Variants in PCSK1 observed in about 807,000 individuals in gnomAD.
The protein encoded by PCSK1 is proprotein convertase subtilisin/kexin type 1.
Under a neutral mutation model 90.6 loss-of-function variants are expected in PCSK1, and 56 were observed. The observed-to-expected ratio is 0.62, with a 90% CI of 0.50 to 0.77. The LOEUF (loss-of-function observed/expected upper bound fraction) is 0.77. Ranked by LOEUF, PCSK1 falls within the 30% of genes least tolerant of loss-of-function variation. The probability of loss-of-function intolerance (pLI) is 0.00; values close to 1 mark genes in which losing one functional copy is unlikely to be tolerated. For synonymous variants in PCSK1, 348 were observed against 342.4 expected, an observed-to-expected ratio of 1.02 and a Z score of -0.18; for missense variants, 801 against 932.6, an observed-to-expected ratio of 0.86 and a Z score of 1.84.
intron 9 of PCSK1, among the ~76,000 whole-genome samples, chr5:96,400,858 C>T (rs1296920269): frequency 8.3e-6 from 1 of 119,842 alleles, no homozygotes; most frequent in African/African-American, 3.6e-5. Context: ...GAGGCCGAGG[C>T]GGGCGGATCA....
At chr5:96,413,309 G>A (rs140712483) in intron 6 of PCSK1, among the ~76,000 whole-genome samples, 97 of 152,302 alleles carry the variant, frequency 6.4e-4, no homozygotes, top group African/African-American at 2.2e-3. Context: ...TCAGACTTAT[G>A]AATTCAAGAG....
At chr5:96,395,790 TAAAA>T (rs1760118970) in intron 12 of PCSK1, among the ~76,000 whole-genome samples, 1 of 151,372 alleles carries the variant, frequency 6.6e-6, no homozygotes. Flanking sequence ...TAAAGTATAA[TAAAA>T]AACTAAATAA....
chr5:96,414,530 A>C (rs114634409), intron 6 of PCSK1, among the ~76,000 whole-genome samples: 1,727 of 152,314 alleles, frequency 0.011, 35 homozygotes, highest in African/African-American at 0.04. Flanking sequence ...CTGACATACA[A>C]TAGGTGCCTA....
In PCSK1 at chr5:96,432,790, C is replaced by G. The variant is rs1467746760; in HGVS notation, c.180+73G>C. 1.1e-5 allele frequency: 14 copies of G among 1,318,882 alleles called. No individual in the cohort carries two copies. In the East Asian group the frequency reaches 2.6e-4, roughly 24 times the overall value. 81.7% of individuals were successfully genotyped at this position (1,318,882 alleles called of 1,614,324 possible). On this transcript the variant is annotated intron_variant, in intron 1 of 13. Coordinates refer to ENST00000311106, the MANE Select transcript of PCSK1 (RefSeq NM_000439.5). ...TGGAGAGTGCAACCTGGGGCTCCCA[C>G]TTGGAAGACCGCGCTCCAGTCCCGC...
chr5:96,394,187 A>C (rs1289359703), intron 13 of PCSK1, among the ~76,000 whole-genome samples: 2 of 152,178 alleles, frequency 1.3e-5, no homozygotes, highest in Non-Finnish European at 2.9e-5. Flanking sequence ...CTGAAAACCT[A>C]CCTATTACAC....
At chr5:96,402,977 G>T (rs1580749405) in intron 9 of PCSK1, among the ~76,000 whole-genome samples, 1 of 152,130 alleles carries the variant, frequency 6.6e-6, no homozygotes, top group Admixed American at 6.5e-5. Context: ...TTAGGTAAAA[G>T]CCTCTTATCA....
chr5:96,410,315 A>G (rs1221544367), intron 8 of PCSK1, among the ~76,000 whole-genome samples: 2 of 152,122 alleles, frequency 1.3e-5, no homozygotes, highest in African/African-American at 4.8e-5. Context: ...CCTGCAGGTC[A>G]TCCATTCTTA....
At chr5:96,412,844 G>T (rs1760815739) in intron 6 of PCSK1, 3 of 556,166 alleles carry the variant, frequency 5.4e-6, no homozygotes, top group South Asian at 4.8e-5. Flanking sequence ...CAGCATCCTT[G>T]GATGAGAGGA....
intron 8 of PCSK1, among the ~76,000 whole-genome samples, chr5:96,408,994 G>C (rs1192530392): frequency 6.6e-6 from 1 of 152,182 alleles, no homozygotes; most frequent in East Asian, 1.9e-4. Flanking sequence ...CAAGTCATTT[G>C]GCTCCCCATC....
Position 96,429,259 on chromosome 5 carries a change from C to T in PCSK1, c.239G>A (p.Arg80Gln), listed in dbSNP as rs1799904. 6.4e-4 allele frequency: 1,027 copies of T among 1,604,620 alleles called. 8 individuals carry two copies. The East Asian group carries it at 0.02, about 31-fold the overall frequency. The part of the protein sequence containing the change: ...FKHKNHPRRS[R>Q]RSAFHITKRL... ...CTTAGTGATATGAAAGGCACTCCTT[C>T]GAGACCTTCTGGGGTGGTTTTTATG... The change falls in exon 2 of 14, where the codon CGA becomes CAA. Residue 80 changes from arginine to glutamine, a missense_variant. Transcript: ENST00000311106.
chr5:96,427,488 A>G (rs1228041445), intron 2 of PCSK1, among the ~76,000 whole-genome samples: 1 of 152,184 alleles, frequency 6.6e-6, no homozygotes, highest in African/African-American at 2.4e-5. Context: ...TGGTTCCAGA[A>G]TGTTTCCTAA....
chr5:96,412,579 A>C (rs1372307220), intron 6 of PCSK1, 89 bp from the exon 7 acceptor site: 2 of 1,264,616 alleles, frequency 1.6e-6, no homozygotes, highest in Non-Finnish European at 2.3e-6. Flanking sequence ...TTGTATTTTT[A>C]AAGGATTTTA....
At chr5:96,413,015 G>A (rs1339722617) in intron 6 of PCSK1, 5 of 953,204 alleles carry the variant, frequency 5.2e-6, no homozygotes, top group Non-Finnish European at 6.2e-6. Context: ...GCCACACAAG[G>A]ACTCTGGACA....
chr5:96,406,725 T>C (rs145177749), intron 9 of PCSK1, among the ~76,000 whole-genome samples: 163 of 152,372 alleles, frequency 1.1e-3, no homozygotes, highest in African/African-American at 3.5e-3. Flanking sequence ...CTACTGAATA[T>C]GACATAAGGA....
At position 96,415,805 on chromosome 5, in the gene PCSK1, A is replaced by AT. The variant is rs11368471; in HGVS notation, c.709+227dup. Among the ~76,000 whole-genome samples, 92,931 of 151,152 alleles carry AT rather than the reference A, an allele frequency of 0.61. 30,301 individuals carry two copies. Among genetic ancestry groups the AT allele is most frequent in the African/African-American group, 0.85 (35,135 of 41,146 alleles). On this transcript the variant is annotated intron_variant, in intron 6 of 13. Coordinates refer to ENST00000311106, the MANE Select transcript of PCSK1 (RefSeq NM_000439.5). Reference sequence around the variant, plus strand: ...TTCAAATGCTATTCAACATTTCCACATTTTTTTTTCCTGCAAAGATGTATA... The same window carrying AT: ...TTCAAATGCTATTCAACATTTCCACATTTTTTTTTTCCTGCAAAGATGTATA...
At chr5:96,399,671 T>G (rs1760284420) in intron 10 of PCSK1, among the ~76,000 whole-genome samples, 1 of 152,190 alleles carries the variant, frequency 6.6e-6, no homozygotes, top group South Asian at 2.1e-4. Context: ...TTAAAACTGA[T>G]GGGTGGTTGA....
At chr5:96,427,698 T>G (rs1431596233) in intron 2 of PCSK1, among the ~76,000 whole-genome samples, 1 of 152,238 alleles carries the variant, frequency 6.6e-6, no homozygotes, top group Non-Finnish European at 1.5e-5. Flanking sequence ...GTATGCTCTA[T>G]TCTGTCCAAT....
At chr5:96,415,981 A>T (rs1760926251) in intron 6 of PCSK1, 52 bp downstream of exon 6, 1 of 1,099,740 alleles carries the variant, frequency 9.1e-7, no homozygotes, top group Admixed American at 1.7e-5. Flanking sequence ...ACAATGGGTG[A>T]TGTAAGCTTC....
At chr5:96,413,032 A>G in intron 6 of PCSK1, 2 of 823,282 alleles carry the variant, frequency 2.4e-6, no homozygotes, top group South Asian at 5.5e-5. Context: ...GACAGGAAAC[A>G]TGTAGCTTCA....
Sources: gnomAD v4.1 joint callset for allele counts (sites outside exome capture counted in the v4.1 genomes callset) on GRCh38, gnomAD v4.1.1 for gene constraint, MANE v1.5 for transcripts, NCBI Gene and HGNC (gene_info 2026-07-23, HGNC 2026-07-21) for gene names.